The following FBXW8 variants were observed in gnomAD, a reference collection of about 807,000 sequenced individuals.
The protein encoded by FBXW8 is F-box and WD repeat domain containing 8.
Under a neutral mutation model 65.3 loss-of-function variants are expected in FBXW8, and 57 were observed. The observed-to-expected ratio is 0.87, with a 90% CI of 0.71 to 1.09. FBXW8 has a LOEUF of 1.09. Ranked by LOEUF, FBXW8 falls within the 50% of genes least tolerant of loss-of-function variation. FBXW8 has a pLI of 0.00. For synonymous variants in FBXW8, 308 were observed against 330.2 expected, an observed-to-expected ratio of 0.93 and a Z score of 0.73; for missense variants, 777 against 814.8, an observed-to-expected ratio of 0.95 and a Z score of 0.57.
chr12:116,949,069 A>G (rs1392680124), intron 3 of FBXW8: 3 of 154,012 alleles, frequency 1.9e-5, no homozygotes, highest in East Asian at 3.8e-4. Context: ...ACTGTCATTC[A>G]AATACCATTT....
chr12:116,996,109 C>A (rs372743201), intron 7 of FBXW8, among the ~76,000 whole-genome samples: 21 of 152,198 alleles, frequency 1.4e-4, no homozygotes, highest in African/African-American at 5.1e-4. Context: ...TAGCATCATT[C>A]TATGTATTTG....
At chr12:117,017,977 GTGAT>G (rs1264074066) in intron 8 of FBXW8, among the ~76,000 whole-genome samples, 2 of 152,200 alleles carry the variant, frequency 1.3e-5, no homozygotes, top group African/African-American at 4.8e-5. Context: ...TAGAGAGAGA[GTGAT>G]TGGGGCGTAA....
chr12:117,029,167 T>C lies in FBXW8; in HGVS notation c.*995T>C, dbSNP rs1954304366. 6.6e-6 allele frequency: 1 copy of C among 152,182 alleles called. No homozygotes were observed. Among genetic ancestry groups the C allele is most frequent in the African/African-American group, 2.4e-5 (1 of 41,426 alleles). The allele number at this position is 152,182 out of a possible 1,614,324, so 9.4% of individuals were successfully genotyped here. ...ATAGACGATGCACAAAAAACCACCC[T>C]GTACGAAGGCCACAAAGAACAGCTC... On this transcript the variant is annotated 3_prime_UTR_variant, in exon 11 of 11. Transcript: ENST00000652555.
chr12:117,007,436 A>T (rs1016795438), intron 7 of FBXW8, among the ~76,000 whole-genome samples: 2 of 152,200 alleles, frequency 1.3e-5, no homozygotes, highest in East Asian at 3.8e-4. Flanking sequence ...CAGCCTCAAC[A>T]TGGTTTAGCT....
intron 8 of FBXW8, among the ~76,000 whole-genome samples, chr12:117,011,126 CCTTTT>C (rs948952682): frequency 1.0e-5 from 1 of 100,344 alleles, no homozygotes; most frequent in Non-Finnish European, 1.8e-5. Flanking sequence ...TTTTTCTTTT[CCTTTT>C]TTTTTTTTTT....
At chr12:116,949,555 G>A (rs776406255) in intron 3 of FBXW8, 63 bp from the exon 4 acceptor site, 69 of 1,470,408 alleles carry the variant, frequency 4.7e-5, no homozygotes, top group Admixed American at 1.3e-4. Context: ...GAAAAAGCAC[G>A]ATGCTTGGCT....
At chr12:116,965,521 A>G (rs1002680173) in intron 5 of FBXW8, among the ~76,000 whole-genome samples, 10 of 152,162 alleles carry the variant, frequency 6.6e-5, no homozygotes, top group South Asian at 2.1e-4. Flanking sequence ...TCATGCTCCT[A>G]TCCTCCGTTA....
intron 7 of FBXW8, among the ~76,000 whole-genome samples, chr12:116,996,138 G>T (rs148326972): frequency 2.0e-5 from 3 of 152,200 alleles, no homozygotes; most frequent in Non-Finnish European, 4.4e-5. Flanking sequence ...TCCTAATTTA[G>T]GTCTGAAGTA....
intron 2 of FBXW8, among the ~76,000 whole-genome samples, chr12:116,932,553 T>G (rs1881851074): frequency 6.6e-6 from 1 of 152,202 alleles, no homozygotes; most frequent in Admixed American, 6.5e-5. Context: ...CTCTTTCTTT[T>G]TCTTTGACGG....
At chr12:117,014,363 A>G (rs1283021547) in intron 8 of FBXW8, among the ~76,000 whole-genome samples, 1 of 152,194 alleles carries the variant, frequency 6.6e-6, no homozygotes, top group African/African-American at 2.4e-5. Flanking sequence ...ACCTCGTGGA[A>G]TATAGCTACA....
rs551801664 is a variant in FBXW8, at chr12:117,024,237, G to A, written c.1458G>A (p.Trp486Ter). The A allele has an allele frequency of 2.5e-6, 4 of 1,614,214 alleles. No homozygotes were observed. In the South Asian group the frequency reaches 4.4e-5, roughly 18 times the overall value. The stretch of plus-strand genomic sequence containing the variant: ...TCTCTGCTGTGCAGATGGATGACTG[G>A]AAGATCGTCAGTGGAGGCGAGGAAG... ...LRVSAVQMDD[W>*]KIVSGGEEGL... The change falls in exon 9 of 11, where the codon TGG becomes TGA. Residue 486 changes from tryptophan (W) to a stop codon, truncating the protein, a stop_gained. Transcript: ENST00000652555. LOFTEE classifies it high-confidence loss of function.
chr12:117,017,011 C>T (rs185431739), intron 8 of FBXW8, among the ~76,000 whole-genome samples: 2 of 152,314 alleles, frequency 1.3e-5, no homozygotes, highest in African/African-American at 4.8e-5. Flanking sequence ...TCTGGCACTA[C>T]CACGCTGTAC....
intron 1 of FBXW8, among the ~76,000 whole-genome samples, chr12:116,913,300 C>A (rs1052157425): frequency 1.3e-5 from 2 of 152,180 alleles, no homozygotes; most frequent in Admixed American, 6.5e-5. Flanking sequence ...AGTAAAGAAG[C>A]AAATCATGTA....
chr12:116,932,940 G>A (rs1881886053), intron 2 of FBXW8, among the ~76,000 whole-genome samples: 1 of 152,164 alleles, frequency 6.6e-6, no homozygotes, highest in Non-Finnish European at 1.5e-5. Context: ...TTGCTTAAGT[G>A]GGGGCATTGG....
intron 5 of FBXW8, among the ~76,000 whole-genome samples, chr12:116,970,350 A>G (rs940063143): frequency 2.0e-5 from 3 of 152,218 alleles, no homozygotes; most frequent in Non-Finnish European, 4.4e-5. Context: ...ATATGGTGCC[A>G]TCAAGCACGG....
chr12:116,984,117 G>A (rs4766821), intron 5 of FBXW8, among the ~76,000 whole-genome samples: 103,647 of 152,122 alleles, frequency 0.68, 39,915 homozygotes, highest in Non-Finnish European at 0.84. Context: ...GTAAATCTTC[G>A]AAGGGAAGGA....
At chr12:116,955,925 T>C (rs1307498291) in intron 4 of FBXW8, among the ~76,000 whole-genome samples, 1 of 152,222 alleles carries the variant, frequency 6.6e-6, no homozygotes, top group Non-Finnish European at 1.5e-5. Flanking sequence ...GGAGGCCTTG[T>C]GCCAGCTCTG....
At chr12:116,998,689 A>G (rs1953439225) in intron 7 of FBXW8, among the ~76,000 whole-genome samples, 1 of 147,978 alleles carries the variant, frequency 6.8e-6, no homozygotes, top group African/African-American at 2.4e-5. Flanking sequence ...ATGGGGAGCT[A>G]AGGGAGCCCT....
intron 7 of FBXW8, among the ~76,000 whole-genome samples, chr12:116,997,650 G>A (rs1953407345): frequency 6.6e-6 from 1 of 152,198 alleles, no homozygotes; most frequent in Non-Finnish European, 1.5e-5. Flanking sequence ...AGCAGGGCCT[G>A]TGGAAGGGGG....
Sources: gnomAD v4.1 joint callset for allele counts (sites outside exome capture counted in the v4.1 genomes callset) on GRCh38, gnomAD v4.1.1 for gene constraint, MANE v1.5 for transcripts, NCBI Gene and HGNC (gene_info 2026-07-23, HGNC 2026-07-21) for gene names.